Variants in IPCEF1 observed in about 807,000 individuals in gnomAD.
IPCEF1 encodes interaction protein for cytohesin exchange factors 1.
A neutral mutation model predicts 50.9 loss-of-function variants in IPCEF1; 31 were observed. The ratio of observed to expected loss-of-function variants is 0.61; its 90% CI spans 0.46 to 0.82. The LOEUF (loss-of-function observed/expected upper bound fraction) is 0.82, where lower values mean the gene tolerates loss of function less well. Ranked by LOEUF, IPCEF1 falls within the 40% of genes least tolerant of loss-of-function variation. The pLI is 0.00. For missense variants in IPCEF1, 458 were observed against 514.0 expected (o/e 0.89, Z 1.05); for synonymous variants, 181 against 192.0 (o/e 0.94, Z 0.47).
chr6:154,212,908 A>G, intron 8 of IPCEF1, 53 bp from the exon 9 acceptor site: 1 of 1,209,870 alleles, frequency 8.3e-7, no homozygotes, highest in Non-Finnish European at 1.2e-6. Context: ...CGCTTATTCC[A>G]TAATGCATGA....
chr6:154,346,495 A>G (rs764317720), intron 1 of IPCEF1, among the ~76,000 whole-genome samples: 2 of 152,128 alleles, frequency 1.3e-5, no homozygotes, highest in Non-Finnish European at 2.9e-5. Flanking sequence ...TTCTGGTTGT[A>G]TAATAATTAG....
At chr6:154,214,136 G>T in intron 8 of IPCEF1, 82 bp downstream of exon 8, 1 of 906,064 alleles carries the variant, frequency 1.1e-6, no homozygotes, top group Non-Finnish European at 1.9e-6. Context: ...ACTATACATA[G>T]AACTTGACAT....
chr6:154,306,595 G>A (rs1396072183), intron 1 of IPCEF1: 1 of 152,300 alleles, frequency 6.6e-6, no homozygotes, highest in Non-Finnish European at 1.5e-5. Flanking sequence ...CTGTGAGAAA[G>A]TTCTCAGGGT....
intron 1 of IPCEF1, among the ~76,000 whole-genome samples, chr6:154,317,928 A>T (rs1450114569): frequency 6.6e-6 from 1 of 152,222 alleles, no homozygotes; most frequent in African/African-American, 2.4e-5. Context: ...CAGGTTGGAA[A>T]CAACCCAACT....
At chr6:154,350,846 G>A (rs1462085681) in intron 1 of IPCEF1, among the ~76,000 whole-genome samples, 1 of 152,082 alleles carries the variant, frequency 6.6e-6, no homozygotes, top group Non-Finnish European at 1.5e-5. Context: ...TCAGCCTCCT[G>A]AGTAGCTGGG....
rs1197265237 is a variant in IPCEF1, at chr6:154,282,032, G to C, written c.-18+7681C>G. ...CAACAACAACAAAATATCCTGGCAT[G>C]ATGGCACATGTCTGTAATCCCAGCT... On this transcript the variant is annotated intron_variant, in intron 2 of 11. Coordinates refer to ENST00000367220, the MANE Select transcript of IPCEF1 (RefSeq NM_001130700.2). Among the ~76,000 whole-genome samples, 5 of 152,030 alleles carry C rather than the reference G, an allele frequency of 3.3e-5. No homozygotes were observed. The East Asian group carries it at 9.7e-4, about 29-fold the overall frequency.
intron 1 of IPCEF1, among the ~76,000 whole-genome samples, chr6:154,333,569 T>C (rs117217857): frequency 0.022 from 3,370 of 151,304 alleles, 58 homozygotes; most frequent in Middle Eastern, 0.073. Flanking sequence ...CATATATATA[T>C]ACACACACAC....
Position 154,158,938 on chromosome 6 carries a change from A to C in IPCEF1, c.*890T>G, listed in dbSNP as rs1232437788. 6.6e-6 allele frequency: 1 copy of C among 152,228 alleles called. No individual in the cohort carries two copies. The highest frequency in any genetic ancestry group is 1.5e-5 in the Non-Finnish European group (1 of 68,048). The allele number at this position is 152,228 out of a possible 1,614,324, so 9.4% of individuals were successfully genotyped here. A position where few individuals can be genotyped will look rare whatever the true frequency, so the allele number is the denominator to read the frequency against. On this transcript the variant is annotated 3_prime_UTR_variant, in exon 12 of 12. Transcript: ENST00000367220. Reference sequence around the variant, plus strand: ...TTTGTTTTTTTGAGTAAAGATATTAAAACAATTCAGATGCCAAAGTCGTCT... The same window carrying C: ...TTTGTTTTTTTGAGTAAAGATATTACAACAATTCAGATGCCAAAGTCGTCT...
chr6:154,227,341 C>G (rs936496867), intron 5 of IPCEF1, among the ~76,000 whole-genome samples: 1 of 152,132 alleles, frequency 6.6e-6, no homozygotes, highest in African/African-American at 2.4e-5. Context: ...TACAATAAAT[C>G]GATCTCAAAT....
At chr6:154,310,049 C>A (rs1783041640) in intron 1 of IPCEF1, among the ~76,000 whole-genome samples, 1 of 152,204 alleles carries the variant, frequency 6.6e-6, no homozygotes, top group African/African-American at 2.4e-5. Flanking sequence ...CAGGCGTGAG[C>A]CACCACACCC....
chr6:154,160,167 T>C (rs1583670228), intron 11 of IPCEF1, 127 bp from the exon 12 acceptor site: 2 of 725,294 alleles, frequency 2.8e-6, no homozygotes, highest in African/African-American at 1.8e-5. Context: ...TGCACGTTAA[T>C]GTTCTAATTC....
intron 2 of IPCEF1, among the ~76,000 whole-genome samples, chr6:154,266,930 T>A (rs1422767602): frequency 2.0e-5 from 3 of 152,172 alleles, no homozygotes; most frequent in Non-Finnish European, 4.4e-5. Context: ...GCTTTTCAAC[T>A]TCATCCCAGT....
intron 5 of IPCEF1, among the ~76,000 whole-genome samples, chr6:154,228,304 T>TA (rs11303578): frequency 7.4e-4 from 109 of 147,162 alleles, no homozygotes; most frequent in South Asian, 1.7e-3. Flanking sequence ...TGTCTCTGTT[T>TA]AAAAAAAAAA....
In IPCEF1 at chr6:154,356,292, G is replaced by A. The variant is rs561620638; in HGVS notation, c.-62+380C>T. On this transcript the variant is annotated intron_variant, in intron 1 of 11. Transcript: ENST00000367220. ...CATGCAAAGGAAGCTCCCTTGCAAA[G>A]AACACACTTTCTCGAAAGAGGGCGG... 2.6e-4 allele frequency among the ~76,000 whole-genome samples: 40 copies of A among 152,246 alleles called. 1 individual carries two copies. Among genetic ancestry groups the A allele is most frequent in the African/African-American group, 8.9e-4 (37 of 41,530 alleles).
chr6:154,171,779 C>T (rs970942063), intron 10 of IPCEF1, among the ~76,000 whole-genome samples: 4 of 152,184 alleles, frequency 2.6e-5, no homozygotes, highest in Non-Finnish European at 5.9e-5. Flanking sequence ...AGAAATCTGA[C>T]TCCTGAAGGG....
intron 1 of IPCEF1, among the ~76,000 whole-genome samples, chr6:154,331,405 A>AAGAAAGAAAGAAAGAG (rs60403800): frequency 0.033 from 3,069 of 92,678 alleles, 94 homozygotes; most frequent in South Asian, 0.095. Flanking sequence ...GAAAGAAAGA[A>AAGAAAGAAAGAAAGAG]AGAGAGAGAA....
intron 5 of IPCEF1, among the ~76,000 whole-genome samples, chr6:154,244,830 C>T (rs772772785): frequency 1.1e-4 from 16 of 152,190 alleles, no homozygotes; most frequent in Non-Finnish European, 2.4e-4. Flanking sequence ...CTCCTTCTAT[C>T]TGAGCTTTAT....
At chr6:154,306,413 T>C (rs895543667) in intron 1 of IPCEF1, among the ~76,000 whole-genome samples, 2 of 151,702 alleles carry the variant, frequency 1.3e-5, no homozygotes, top group African/African-American at 4.9e-5. Context: ...TTTATTGATT[T>C]ATTTTGTAGA....
chr6:154,270,413 G>T (rs1466290901), intron 2 of IPCEF1, among the ~76,000 whole-genome samples: 2 of 152,144 alleles, frequency 1.3e-5, no homozygotes, highest in Non-Finnish European at 2.9e-5. Context: ...ATTAGAATTA[G>T]TTCTCAACTC....
Sources: allele counts gnomAD v4.1 joint callset (sites outside exome capture counted in the v4.1 genomes callset), GRCh38; gene constraint gnomAD v4.1.1; transcripts MANE v1.5; gene names NCBI Gene and HGNC (gene_info 2026-07-23, HGNC 2026-07-21).